Variants in ANTXR1 observed in about 807,000 individuals in gnomAD.
ANTXR1 encodes the protein anthrax toxin receptor 1.
In ANTXR1, 19 loss-of-function variants were observed where a neutral mutation model predicts 78.1. The observed-to-expected ratio is 0.24, with a 90% CI of 0.17 to 0.36. ANTXR1 has a LOEUF of 0.36. ANTXR1 is among the 10% of genes least tolerant of loss of function. ANTXR1 has a pLI of 1.00. For synonymous variants in ANTXR1, 273 were observed against 260.5 expected (o/e 1.05, Z -0.46); for missense variants, 518 against 718.6 (o/e 0.72, Z 3.19).
chr2:69,123,395 G>A (rs1429219110), intron 11 of ANTXR1, among the ~76,000 whole-genome samples: 2 of 152,206 alleles, frequency 1.3e-5, no homozygotes, highest in African/African-American at 4.8e-5. Flanking sequence ...GAAGAGCTGG[G>A]CTCAATCCAA....
chr2:69,094,562 CCTT>C (rs1391365046), intron 9 of ANTXR1, among the ~76,000 whole-genome samples: 1 of 152,178 alleles, frequency 6.6e-6, no homozygotes, highest in Non-Finnish European at 1.5e-5. Context: ...TCTGTGAATT[CCTT>C]CTTTTCCTTG....
chr2:69,139,875 G>T (rs1673023528), intron 12 of ANTXR1, among the ~76,000 whole-genome samples: 1 of 152,148 alleles, frequency 6.6e-6, no homozygotes, highest in African/African-American at 2.4e-5. Flanking sequence ...ATGAAAATGA[G>T]ACACCAGCCT....
intron 14 of ANTXR1, among the ~76,000 whole-genome samples, chr2:69,170,570 G>A (rs1457566184): frequency 6.6e-6 from 1 of 152,324 alleles, no homozygotes; most frequent in East Asian, 1.9e-4. Flanking sequence ...GTTTTTATCA[G>A]TACAGTTATT....
At chr2:69,185,652 A>G (rs1021222277) in intron 16 of ANTXR1, among the ~76,000 whole-genome samples, 7 of 152,230 alleles carry the variant, frequency 4.6e-5, no homozygotes, top group African/African-American at 1.7e-4. Flanking sequence ...GGATTGTTAA[A>G]ATAGGCAAAG....
intron 17 of ANTXR1, among the ~76,000 whole-genome samples, chr2:69,238,192 T>C (rs148685167): frequency 1.3e-5 from 2 of 152,312 alleles, no homozygotes; most frequent in East Asian, 1.9e-4. Flanking sequence ...GAGAATCTGA[T>C]TGGTCTAGCT....
At chr2:69,114,802 A>G (rs1672089709) in intron 10 of ANTXR1, among the ~76,000 whole-genome samples, 1 of 152,208 alleles carries the variant, frequency 6.6e-6, no homozygotes, top group East Asian at 1.9e-4. Context: ...GGAGGGCTTT[A>G]TCAAGAGACA....
chr2:69,102,890 A>G lies in ANTXR1; in HGVS notation c.752A>G (p.Asn251Ser), dbSNP rs1028687684. The change falls in exon 10 of 18, where the codon AAC becomes AGC. Residue 251 changes from asparagine to serine, a missense_variant. Asn to Ser is a conservative substitution (Grantham distance 46). This residue lies in a region of ANTXR1 where 264 missense variants were observed against 391.8 expected (regional missense o/e 0.67). Coordinates refer to ENST00000303714, the MANE Select transcript of ANTXR1 (RefSeq NM_032208.3). Reference sequence around the variant, plus strand: ...GGAAACGGCTTCCGACATGCCCGCAACGTGGACAGGGTCCTCTGCAGCTTC... The same window carrying G: ...GGAAACGGCTTCCGACATGCCCGCAGCGTGGACAGGGTCCTCTGCAGCTTC... ...VRGNGFRHAR[N>S]VDRVLCSFKI... 2 of 1,614,198 alleles carry G rather than the reference A, an allele frequency of 1.2e-6. No individual in the cohort carries two copies. The highest frequency in any genetic ancestry group is 8.5e-7 in the Non-Finnish European group (1 of 1,180,034).
chr2:69,214,871 T>A (rs1247401217), intron 17 of ANTXR1, among the ~76,000 whole-genome samples: 2 of 152,200 alleles, frequency 1.3e-5, no homozygotes, highest in African/African-American at 4.8e-5. Flanking sequence ...CAGGCAGATG[T>A]TTCTTTATTC....
chr2:69,104,413 A>G (rs1456989569), intron 10 of ANTXR1, among the ~76,000 whole-genome samples: 1 of 152,214 alleles, frequency 6.6e-6, no homozygotes, highest in Non-Finnish European at 1.5e-5. Flanking sequence ...AACATTAGAA[A>G]CATTCGGTTA....
intron 3 of ANTXR1, among the ~76,000 whole-genome samples, chr2:69,063,531 T>C (rs1178580455): frequency 1.3e-5 from 2 of 151,778 alleles, no homozygotes; most frequent in African/African-American, 2.4e-5. Flanking sequence ...AGGAATTCTT[T>C]AGGGTGAAGG....
chr2:69,035,439 A>G (rs1329596314), intron 1 of ANTXR1, among the ~76,000 whole-genome samples: 1 of 152,192 alleles, frequency 6.6e-6, no homozygotes, highest in East Asian at 1.9e-4. Flanking sequence ...AGTTTCGGAA[A>G]TAAAGAGTAG....
Position 69,069,835 on chromosome 2 carries a change from A to G in ANTXR1, c.297-812A>G, listed in dbSNP as rs1391564420. 3.9e-5 allele frequency among the ~76,000 whole-genome samples: 6 copies of G among 152,302 alleles called. No individual in the cohort carries two copies. In the East Asian group the frequency reaches 7.7e-4, roughly 20 times the overall value. On this transcript the variant is annotated intron_variant, in intron 3 of 17. Transcript: ENST00000303714. ...AGAGCATCTCCACCCTGTACCACTAAAAAGACCCCAGCAGGAGGAAGGCAA... is the reference window on the plus strand; with the variant it reads ...AGAGCATCTCCACCCTGTACCACTAGAAAGACCCCAGCAGGAGGAAGGCAA...
chr2:69,059,745 G>A (rs1024619233), intron 3 of ANTXR1, among the ~76,000 whole-genome samples: 5 of 152,132 alleles, frequency 3.3e-5, no homozygotes, highest in Non-Finnish European at 7.4e-5. Context: ...GGCCAAAAAT[G>A]TTGTGAGAGT....
intron 10 of ANTXR1, among the ~76,000 whole-genome samples, chr2:69,112,963 G>A (rs1028635670): frequency 6.6e-6 from 1 of 152,182 alleles, no homozygotes; most frequent in East Asian, 1.9e-4. Context: ...AAGGTTTTCA[G>A]TTGGGAGTAA....
intron 9 of ANTXR1, among the ~76,000 whole-genome samples, chr2:69,098,146 A>T (rs1194050694): frequency 9.9e-5 from 15 of 152,214 alleles, no homozygotes; most frequent in African/African-American, 3.4e-4. Flanking sequence ...TGGGGGTGAC[A>T]GCTACGCTCA....
intron 8 of ANTXR1, among the ~76,000 whole-genome samples, chr2:69,080,995 C>A (rs1445323162): frequency 6.6e-6 from 1 of 152,188 alleles, no homozygotes; most frequent in African/African-American, 2.4e-5. Context: ...GGCTTGAAAT[C>A]AAGACTCAGG....
chr2:69,124,642 G>T lies in ANTXR1; in HGVS notation c.950G>T (p.Cys317Phe). ...SSSVIITTTH[C>F]SDGSILAIAL... Reference sequence around the variant, plus strand: ...TCTGTCATCATCACCACCACACACTGTGTAAGTCATAACCTTTCCCTTTAC... The same window carrying T: ...TCTGTCATCATCACCACCACACACTTTGTAAGTCATAACCTTTCCCTTTAC... Residue 317 changes from cysteine (C) to phenylalanine (F), a missense_variant and splice_region_variant, in exon 12 of 18, where the codon TGT becomes TTT. Coordinates refer to ENST00000303714, the MANE Select transcript of ANTXR1 (RefSeq NM_032208.3). 1 of 1,614,066 alleles carries T rather than the reference G, an allele frequency of 6.2e-7. No individual in the cohort carries two copies. The highest frequency in any genetic ancestry group is 8.5e-7 in the Non-Finnish European group (1 of 1,179,910).
At chr2:69,031,903 G>A (rs1671538704) in intron 1 of ANTXR1, among the ~76,000 whole-genome samples, 1 of 152,164 alleles carries the variant, frequency 6.6e-6, no homozygotes, top group African/African-American at 2.4e-5. Context: ...GCTCCAGGGT[G>A]GCTCCTGCCA....
chr2:69,129,609 G>T (rs867470754), intron 12 of ANTXR1, among the ~76,000 whole-genome samples: 1 of 152,174 alleles, frequency 6.6e-6, no homozygotes, highest in South Asian at 2.1e-4. Flanking sequence ...AAAATTAGCT[G>T]GTGTGGTGGC....
Sources: gnomAD v4.1 joint callset for allele counts (sites outside exome capture counted in the v4.1 genomes callset) on GRCh38, gnomAD v4.1.1 for gene constraint, gnomAD v4.1.1 regional missense constraint, MANE v1.5 for transcripts, NCBI Gene and HGNC (gene_info 2026-07-23, HGNC 2026-07-21) for gene names.